Variants in TMEM120B observed in about 807,000 individuals in gnomAD.
TMEM120B encodes the protein transmembrane protein 120B.
In TMEM120B, 31 loss-of-function variants were observed where a neutral mutation model predicts 55.5. The ratio of observed to expected loss-of-function variants is 0.56; its 90% confidence interval spans 0.42 to 0.75. TMEM120B has a LOEUF of 0.75. TMEM120B is among the 30% of genes least tolerant of loss of function. The pLI is 0.00. For synonymous variants in TMEM120B, 203 were observed against 176.3 expected, an observed-to-expected ratio of 1.15 and a Z score of -1.20; for missense variants, 399 against 425.5, an observed-to-expected ratio of 0.94 and a Z score of 0.55.
At chr12:121,730,853 G>T (rs908441136) in intron 1 of TMEM120B, among the ~76,000 whole-genome samples, 5 of 146,822 alleles carry the variant, frequency 3.4e-5, no homozygotes, top group Non-Finnish European at 6.0e-5. Context: ...AGCTACTCGG[G>T]AGGCTGAGGC....
At chr12:121,769,597 A>G (rs981529369) in intron 6 of TMEM120B, among the ~76,000 whole-genome samples, 2 of 151,886 alleles carry the variant, frequency 1.3e-5, no homozygotes, top group Non-Finnish European at 2.9e-5. Context: ...CCAGCTACTC[A>G]GGAGGCTGAG....
intron 4 of TMEM120B, among the ~76,000 whole-genome samples, chr12:121,750,646 AACCCACACCCAC>A (rs1351604730): frequency 4.7e-4 from 50 of 107,512 alleles, no homozygotes; most frequent in Non-Finnish European, 2.5e-4. Context: ...CCACACTGCG[AACCCACACCCAC>A]ACCCACACCC....
intron 1 of TMEM120B, among the ~76,000 whole-genome samples, chr12:121,733,755 C>G (rs1895048970): frequency 6.8e-6 from 1 of 147,520 alleles, no homozygotes; most frequent in Admixed American, 6.8e-5. Flanking sequence ...CCAGGCTGGT[C>G]TCGAACTCTT....
At chr12:121,724,725 C>G (rs1199566293) in intron 1 of TMEM120B, among the ~76,000 whole-genome samples, 2 of 151,818 alleles carry the variant, frequency 1.3e-5, no homozygotes, top group Non-Finnish European at 2.9e-5. Context: ...ATTCTCCTGC[C>G]TCAGCCTCTC....
chr12:121,740,862 G>C (rs1157870585), intron 1 of TMEM120B, among the ~76,000 whole-genome samples: 1 of 152,160 alleles, frequency 6.6e-6, no homozygotes, highest in African/African-American at 2.4e-5. Flanking sequence ...TTTAGCACTG[G>C]AGTGGGCAAA....
chr12:121,769,244 A>AT (rs1209264289), intron 6 of TMEM120B, among the ~76,000 whole-genome samples: 2 of 151,328 alleles, frequency 1.3e-5, no homozygotes, highest in Non-Finnish European at 2.9e-5. Flanking sequence ...GACTGGATAG[A>AT]TGAAGTCCAG....
intron 5 of TMEM120B, among the ~76,000 whole-genome samples, chr12:121,757,928 T>C (rs1301392250): frequency 3.9e-5 from 6 of 152,196 alleles, no homozygotes; most frequent in Non-Finnish European, 7.4e-5. Flanking sequence ...GCTGGAATTA[T>C]AGGCGCAAGC....
At position 121,780,876 on chromosome 12, in the gene TMEM120B, A is replaced by G. The variant is rs1302706919; in HGVS notation, c.*5154A>G. The G allele has an allele frequency of 1.2e-6, 2 of 1,613,010 alleles. No homozygotes were observed. The highest frequency in any genetic ancestry group is 1.3e-5 in the African/African-American group (1 of 74,906). On this transcript the variant is annotated 3_prime_UTR_variant, in exon 12 of 12. Transcript: ENST00000449592. ...AGGGTCTTGGCCCCGGCCCACCTGCATGTAGGTGATGGGCTCCAGCTGGGC... is the reference window on the plus strand; with the variant it reads ...AGGGTCTTGGCCCCGGCCCACCTGCGTGTAGGTGATGGGCTCCAGCTGGGC...
intron 1 of TMEM120B, among the ~76,000 whole-genome samples, chr12:121,725,775 G>A (rs1439789313): frequency 3.3e-5 from 5 of 152,126 alleles, no homozygotes; most frequent in South Asian, 2.1e-4. Context: ...GGTGCCTCAC[G>A]CCTGTAATCC....
intron 8 of TMEM120B, among the ~76,000 whole-genome samples, chr12:121,772,258 G>A (rs1874090108): frequency 6.6e-6 from 1 of 151,086 alleles, no homozygotes; most frequent in Non-Finnish European, 1.5e-5. Context: ...CCTCCCGGGT[G>A]GCTGGGACTA....
intron 1 of TMEM120B, among the ~76,000 whole-genome samples, chr12:121,734,555 G>T (rs907655680): frequency 6.6e-6 from 1 of 151,940 alleles, no homozygotes; most frequent in African/African-American, 2.4e-5. Context: ...ACCACGCCTG[G>T]CCATGAAAGT....
At chr12:121,737,730 C>T (rs1430457722) in intron 1 of TMEM120B, among the ~76,000 whole-genome samples, 1 of 152,016 alleles carries the variant, frequency 6.6e-6, no homozygotes. Flanking sequence ...GCACAAGTTG[C>T]CAGGTGCAGT....
chr12:121,742,786 C>G (rs1872972427), intron 1 of TMEM120B, among the ~76,000 whole-genome samples: 1 of 152,086 alleles, frequency 6.6e-6, no homozygotes, highest in African/African-American at 2.4e-5. Flanking sequence ...CCATGTTGGC[C>G]AGGCTGGTCT....
intron 1 of TMEM120B, among the ~76,000 whole-genome samples, chr12:121,727,974 G>A (rs991836856): frequency 1.4e-4 from 21 of 151,220 alleles, no homozygotes; most frequent in Admixed American, 4.0e-4. Flanking sequence ...GGAAAGTTCT[G>A]TTCTTTGCCA....
chr12:121,739,901 C>T (rs1253518820), intron 1 of TMEM120B, among the ~76,000 whole-genome samples: 1 of 148,196 alleles, frequency 6.7e-6, no homozygotes, highest in Admixed American at 6.7e-5. Flanking sequence ...GCCTCAGCCT[C>T]CTGAGTACCT....
chr12:121,774,113 G>A lies in TMEM120B; in HGVS notation c.773-545G>A, dbSNP rs187953547. 1.8e-4 allele frequency among the ~76,000 whole-genome samples: 27 copies of A among 152,096 alleles called. No individual in the cohort carries two copies. In the East Asian group the frequency reaches 4.6e-3, roughly 26 times the overall value. ...TGGGATTACAGGCATGTGCCACCAC[G>A]CCCGGCTAATTTTTGTATTTTTAGT... On this transcript the variant is annotated intron_variant, in intron 9 of 11. Transcript: ENST00000449592.
intron 8 of TMEM120B, among the ~76,000 whole-genome samples, chr12:121,772,093 C>CTCTCTCTT (rs1160225845): frequency 3.0e-5 from 4 of 135,156 alleles, no homozygotes; most frequent in South Asian, 2.3e-4. Flanking sequence ...CTTTCTCTCT[C>CTCTCTCTT]TCTCTCTTTC....
intron 5 of TMEM120B, chr12:121,758,617 G>A (rs1272844504): frequency 1.1e-5 from 11 of 983,246 alleles, no homozygotes; most frequent in South Asian, 4.7e-5. Flanking sequence ...CCAGCCCCGC[G>A]CTGTGGTCAC....
intron 6 of TMEM120B, among the ~76,000 whole-genome samples, chr12:121,765,363 C>T (rs1873815035): frequency 6.6e-6 from 1 of 152,186 alleles, no homozygotes; most frequent in African/African-American, 2.4e-5. Flanking sequence ...CTCCTGACCT[C>T]AGGTGATCTG....
Sources: allele counts gnomAD v4.1 joint callset (sites outside exome capture counted in the v4.1 genomes callset), GRCh38; gene constraint gnomAD v4.1.1; transcripts MANE v1.5; gene names NCBI Gene and HGNC (gene_info 2026-07-23, HGNC 2026-07-21).